YTHDF2: variants seen among roughly 807,000 people sequenced by gnomAD.
YTHDF2 encodes the protein YTH N6-methyladenosine RNA binding protein F2, also known as YTH domain-containing family protein 2.
YTHDF2 carries 2 observed loss-of-function variants against 50.4 expected under a neutral mutation model. That is an observed-to-expected ratio of 0.04 (90% confidence interval 0.02 to 0.12). The LOEUF (loss-of-function observed/expected upper bound fraction) is 0.12. Ranked by LOEUF, YTHDF2 falls within the 10% of genes least tolerant of loss-of-function variation. The probability of loss-of-function intolerance (pLI) is 1.00; values close to 1 mark genes in which losing one functional copy is unlikely to be tolerated. For missense variants in YTHDF2, 483 were observed against 722.6 expected, an observed-to-expected ratio of 0.67 and a Z score of 3.80; for synonymous variants, 217 against 255.6, an observed-to-expected ratio of 0.85 and a Z score of 1.44.
At chr1:28,737,892 G>A in intron 2 of YTHDF2, 1 of 617,240 alleles carries the variant, frequency 1.6e-6, no homozygotes, top group Non-Finnish European at 2.8e-6. Context: ...TAAGGGTGGG[G>A]GTGGATTGGG....
intron 4 of YTHDF2, among the ~76,000 whole-genome samples, chr1:28,758,672 G>C (rs2088069444): frequency 1.3e-5 from 2 of 152,188 alleles, no homozygotes. Flanking sequence ...GACCGTTTTA[G>C]TCTACCCCAC....
chr1:28,737,653 T>C lies in YTHDF2; in HGVS notation c.28-5T>C, dbSNP rs1321061834. 1 of 1,613,232 alleles carries C rather than the reference T, an allele frequency of 6.2e-7. No homozygotes were observed. Among genetic ancestry groups the C allele is most frequent in the East Asian group, 2.2e-5 (1 of 44,836 alleles). ...GCTGCTCGGCGACGTTTCCTTCCCC[T>C]GCAGAGACCAAAAGGTCAAGGAAAC... is the stretch of plus-strand genomic sequence containing the variant. On this transcript the variant is annotated splice_polypyrimidine_tract_variant and splice_region_variant and intron_variant, in intron 1 of 4. Transcript: ENST00000373812.
Position 28,737,047 on chromosome 1 carries a change from A to G in YTHDF2, c.-74A>G. 6.5e-7 allele frequency: 1 copy of G among 1,539,234 alleles called. No individual in the cohort carries two copies. The highest frequency in any genetic ancestry group is 8.8e-7 in the Non-Finnish European group (1 of 1,141,340). On this transcript the variant is annotated 5_prime_UTR_variant, in exon 1 of 5. Coordinates refer to ENST00000373812, the MANE Select transcript of YTHDF2 (RefSeq NM_016258.3). ...CAAAAGCCTCCGCCTGCTCCCGCAGACGGGGCTCATCTGCCGCCGCCGCCG... is the reference window on the plus strand; with the variant it reads ...CAAAAGCCTCCGCCTGCTCCCGCAGGCGGGGCTCATCTGCCGCCGCCGCCG...
chr1:28,752,173 A>G (rs1447575955), intron 4 of YTHDF2, among the ~76,000 whole-genome samples: 2 of 152,226 alleles, frequency 1.3e-5, no homozygotes, highest in East Asian at 3.8e-4. Flanking sequence ...CATTATAATT[A>G]CCATCGTATT....
intron 4 of YTHDF2, among the ~76,000 whole-genome samples, chr1:28,750,445 C>CT (rs1280607186): frequency 1.3e-5 from 2 of 152,090 alleles, no homozygotes; most frequent in African/African-American, 4.8e-5. Flanking sequence ...GTTATAGAAA[C>CT]TAAACTAGGG....
At chr1:28,758,580 T>A (rs1021743883) in intron 4 of YTHDF2, among the ~76,000 whole-genome samples, 1 of 152,316 alleles carries the variant, frequency 6.6e-6, no homozygotes, top group African/African-American at 2.4e-5. Flanking sequence ...GTTGTAAAAG[T>A]TGCTGCTAAT....
chr1:28,758,050 G>A (rs1223884500), intron 4 of YTHDF2, among the ~76,000 whole-genome samples: 1 of 152,168 alleles, frequency 6.6e-6, no homozygotes, highest in Non-Finnish European at 1.5e-5. Flanking sequence ...GTAGAACTGG[G>A]ATTTGTTTTG....
chr1:28,741,518 C>G (rs1191665064), intron 3 of YTHDF2, among the ~76,000 whole-genome samples: 1 of 152,190 alleles, frequency 6.6e-6, no homozygotes, highest in Middle Eastern at 3.4e-3. Flanking sequence ...AGGCTGGTCT[C>G]GAACTGACCT....
In YTHDF2 at chr1:28,741,691, A is replaced by G. The variant is rs1357101462; in HGVS notation, c.133-712A>G. ...TATTGATATTCCCAGATAGTTTGCC[A>G]AGAGGCTAGCACTATAAACTGGTAG... On this transcript the variant is annotated intron_variant, in intron 3 of 4. Transcript: ENST00000373812. Among the ~76,000 whole-genome samples the G allele has an allele frequency of 3.9e-5, 6 of 152,220 alleles. No homozygotes were observed. In the East Asian group the frequency reaches 5.8e-4, roughly 15 times the overall value.
At chr1:28,757,787 AT>A (rs56357009) in intron 4 of YTHDF2, among the ~76,000 whole-genome samples, 13,487 of 152,094 alleles carry the variant, frequency 0.089, 817 homozygotes, top group Non-Finnish European at 0.13. Context: ...TCATCTTGGC[AT>A]TTTTTCTTTT....
At chr1:28,766,873 C>T (rs1049310801) in intron 4 of YTHDF2, among the ~76,000 whole-genome samples, 2 of 151,412 alleles carry the variant, frequency 1.3e-5, no homozygotes, top group Non-Finnish European at 2.9e-5. Flanking sequence ...CATTTTGTCA[C>T]CCAGGCTGGA....
intron 3 of YTHDF2, among the ~76,000 whole-genome samples, chr1:28,738,773 C>G (rs888712122): frequency 1.3e-5 from 2 of 152,180 alleles, no homozygotes; most frequent in Non-Finnish European, 2.9e-5. Flanking sequence ...TATTTTTTCT[C>G]TGCCCTCTAT....
intron 4 of YTHDF2, among the ~76,000 whole-genome samples, chr1:28,747,921 C>A (rs192014935): frequency 6.6e-6 from 1 of 151,170 alleles, no homozygotes; most frequent in Admixed American, 6.6e-5. Context: ...GTCAGGAGAT[C>A]AAGACCATCC....
intron 4 of YTHDF2, among the ~76,000 whole-genome samples, chr1:28,754,272 A>G (rs1439358142): frequency 6.6e-6 from 1 of 152,222 alleles, no homozygotes; most frequent in Non-Finnish European, 1.5e-5. Flanking sequence ...TCACGCCTCT[A>G]ATTCCAGCAC....
At chr1:28,757,290 C>T (rs2088048214) in intron 4 of YTHDF2, among the ~76,000 whole-genome samples, 1 of 152,014 alleles carries the variant, frequency 6.6e-6, no homozygotes, top group Non-Finnish European at 1.5e-5. Context: ...GCTAGAGTTA[C>T]CAAGAAACTT....
At chr1:28,746,163 A>G (rs2087857468) in intron 4 of YTHDF2, among the ~76,000 whole-genome samples, 1 of 152,200 alleles carries the variant, frequency 6.6e-6, no homozygotes, top group African/African-American at 2.4e-5. Flanking sequence ...TAAGGAGGCC[A>G]TGATCTTTTA....
upstream of YTHDF2, chr1:28,736,816 G>A (rs1570456954): frequency 5.2e-6 from 2 of 381,350 alleles, no homozygotes; most frequent in East Asian, 1.0e-4. Context: ...GTGGGTGAGT[G>A]AATGTGAGAG....
At chr1:28,742,340 G>A in intron 3 of YTHDF2, 63 bp from the exon 4 acceptor site, 2 of 1,511,992 alleles carry the variant, frequency 1.3e-6, no homozygotes, top group East Asian at 4.5e-5. Flanking sequence ...GACTAGGTGG[G>A]GGGAGGAAAT....
intron 4 of YTHDF2, among the ~76,000 whole-genome samples, chr1:28,759,888 G>A (rs537193429): frequency 3.3e-5 from 5 of 152,278 alleles, no homozygotes; most frequent in South Asian, 4.1e-4. Context: ...CCCGGGAGGC[G>A]GAGGTTGCAG....
Sources: gnomAD v4.1 joint callset for allele counts (sites outside exome capture counted in the v4.1 genomes callset) on GRCh38, gnomAD v4.1.1 for gene constraint, MANE v1.5 for transcripts, NCBI Gene and HGNC (gene_info 2026-07-23, HGNC 2026-07-21) for gene names.